Variants in GIGYF1 observed in about 807,000 individuals in gnomAD.
GIGYF1 encodes GRB10-interacting GYF protein 1.
Under a neutral mutation model 147.1 loss-of-function variants are expected in GIGYF1, and 84 were observed. The observed-to-expected ratio is 0.57, with a 90% CI of 0.48 to 0.68. GIGYF1 has a LOEUF of 0.68. GIGYF1 is among the 30% of genes least tolerant of loss of function. The probability of loss-of-function intolerance (pLI) is 0.00; values close to 1 mark genes in which losing one functional copy is unlikely to be tolerated. For missense variants in GIGYF1, 1,485 were observed against 1,393.7 expected, an observed-to-expected ratio of 1.07 and a Z score of -1.04; for synonymous variants, 752 against 589.5, an observed-to-expected ratio of 1.28 and a Z score of -3.99.
intron 1 of GIGYF1, among the ~76,000 whole-genome samples, chr7:100,692,208 C>T (rs565996655): frequency 2.0e-4 from 30 of 152,338 alleles, no homozygotes; most frequent in African/African-American, 6.7e-4. Context: ...AGATGCAAAC[C>T]CGCATTCTTC....
chr7:100,691,051 C>G (rs889332270), intron 1 of GIGYF1, among the ~76,000 whole-genome samples: 8 of 152,134 alleles, frequency 5.3e-5, no homozygotes, highest in Non-Finnish European at 1.2e-4. Context: ...TCTCTAGGCA[C>G]CCCCACAGCA....
In GIGYF1 at chr7:100,686,096, T is replaced by C. The variant is rs1240574314; in HGVS notation, c.949-17A>G. On this transcript the variant is annotated splice_polypyrimidine_tract_variant and intron_variant, in intron 11 of 26. Transcript: ENST00000678049. ...GGGGCCCTTCTGCATGGGGCCGGGGTGGGGAGCAGAGAACAGCTGGGGTGG... is the reference window on the plus strand; with the variant it reads ...GGGGCCCTTCTGCATGGGGCCGGGGCGGGGAGCAGAGAACAGCTGGGGTGG... 7.2e-7 allele frequency: 1 copy of C among 1,391,206 alleles called. No homozygotes were observed. The highest frequency in any genetic ancestry group is 1.0e-6 in the Non-Finnish European group (1 of 1,000,464). The allele number at this position is 1,391,206 out of a possible 1,614,324, so 86.2% of individuals were successfully genotyped here.
intron 19 of GIGYF1, 62 bp downstream of exon 19, chr7:100,683,756 G>C (rs1164453955): frequency 6.4e-7 from 1 of 1,555,036 alleles, no homozygotes; most frequent in East Asian, 2.3e-5. Flanking sequence ...GTGGGGAGCA[G>C]ACCCCAGACC....
rs1371079538 is a variant in GIGYF1 at position 100,688,336 on chromosome 7, A to G, written c.-69-29T>C. 1.0e-5 allele frequency: 11 copies of G among 1,067,332 alleles called. No individual in the cohort carries two copies. In the Admixed American group the frequency reaches 2.0e-4, roughly 20 times the overall value. The allele number at this position is 1,067,332 out of a possible 1,614,324, so 66.1% of individuals were successfully genotyped here. On this transcript the variant is annotated intron_variant, in intron 3 of 26. Coordinates refer to ENST00000678049, the MANE Select transcript of GIGYF1 (RefSeq NM_001375765.1). ...TGGGGGAACAGGGGCCATGAAGAAC[A>G]GCACACGAAGGAGAACTTTAAAGCG... is the stretch of plus-strand genomic sequence containing the variant.
rs754405271 is a variant in GIGYF1 at position 100,685,498 on chromosome 7, G to A, written c.1055-17C>T. On this transcript the variant is annotated splice_polypyrimidine_tract_variant and intron_variant, in intron 12 of 26. Coordinates refer to ENST00000678049, the MANE Select transcript of GIGYF1 (RefSeq NM_001375765.1). Reference sequence around the variant, plus strand: ...CTTTCCCACCTAGAAGAGGGAGATGGCCAGAGTTCAGAACCAAGGGCTGGG... The same window carrying A: ...CTTTCCCACCTAGAAGAGGGAGATGACCAGAGTTCAGAACCAAGGGCTGGG... The A allele has an allele frequency of 1.3e-6, 2 of 1,596,392 alleles. No individual in the cohort carries two copies. Among genetic ancestry groups the A allele is most frequent in the South Asian group, 2.3e-5 (2 of 88,464 alleles).
In GIGYF1 at chr7:100,686,663, C is replaced by T. The variant is rs776098343; in HGVS notation, c.680G>A (p.Arg227His). The T allele has an allele frequency of 1.6e-5, 26 of 1,611,526 alleles. No homozygotes were observed. Among genetic ancestry groups the T allele is most frequent in the South Asian group, 4.4e-5 (4 of 90,936 alleles). The change falls in exon 10 of 27, where the codon CGC becomes CAC. Residue 227 changes from arginine (R) to histidine (H), a missense_variant. Transcript: ENST00000678049. Reference protein sequence around the residue: ...AGPRRDGDRWRSASPDGGPRS... With the variant: ...AGPRRDGDRWHSASPDGGPRS... ...CCCAATCTCACCAGGGCTGGCGGAGCGCCAGCGGTCGCCGTCTCGCCGGGG... is the reference window on the plus strand; with the variant it reads ...CCCAATCTCACCAGGGCTGGCGGAGTGCCAGCGGTCGCCGTCTCGCCGGGG...
At position 100,681,885 on chromosome 7, in the gene GIGYF1, G is replaced by A. The variant is rs923435909; in HGVS notation, c.3034C>T (p.His1012Tyr). ...TCACCCAGGATGCTGGGGTCTGAGTGCAGCATCAGTGCCCGCCTCTTGGCC... is the reference window on the plus strand; with the variant it reads ...TCACCCAGGATGCTGGGGTCTGAGTACAGCATCAGTGCCCGCCTCTTGGCC... The part of the protein sequence containing the change: ...SKAKRRALML[H>Y]SDPSILGYSL... Residue 1012 changes from histidine (H) to tyrosine (Y), a missense_variant, in exon 26 of 27, where the codon CAC becomes TAC. Transcript: ENST00000678049. 7 of 1,612,374 alleles carry A rather than the reference G, an allele frequency of 4.3e-6. No homozygotes were observed. Among genetic ancestry groups the A allele is most frequent in the Non-Finnish European group, 5.9e-6 (7 of 1,179,966 alleles).
At position 100,682,093 on chromosome 7, in the gene GIGYF1, G is replaced by T. The variant is rs772805695; in HGVS notation, c.2904C>A (p.Ser968Arg). The stretch of plus-strand genomic sequence containing the variant: ...TCACCTGCTGCTGCTGCCGCTGCTG[G>T]CTGGCTTTCTGCTTGGCCCTCCGCT... ...FLERRAKQKA[S>R]QQRQQQQEAW... Residue 968 changes from serine (S) to arginine (R), a missense_variant, in exon 25 of 27, where the codon AGC (serine) becomes AGA (arginine). Coordinates refer to ENST00000678049, the MANE Select transcript of GIGYF1 (RefSeq NM_001375765.1). The T allele has an allele frequency of 6.2e-7, 1 of 1,613,382 alleles. No individual in the cohort carries two copies. Among genetic ancestry groups the T allele is most frequent in the East Asian group, 2.2e-5 (1 of 44,868 alleles).
rs1805621861 is a variant in GIGYF1, at chr7:100,688,963, CA to C, written c.-507del. On this transcript the variant is annotated 5_prime_UTR_variant, in exon 2 of 27. Coordinates refer to ENST00000678049, the MANE Select transcript of GIGYF1 (RefSeq NM_001375765.1). Reference sequence around the variant, plus strand: ...AAAAACAAGCAAGCAAACAAAAACCCACTAGAGCCACAAATAGCTTACAGAG... The same window carrying C: ...AAAAACAAGCAAGCAAACAAAAACCCCTAGAGCCACAAATAGCTTACAGAG... 1 of 154,048 alleles carries C rather than the reference CA, an allele frequency of 6.5e-6. No individual in the cohort carries two copies. The highest frequency in any genetic ancestry group is 6.5e-5 in the Admixed American group (1 of 15,424). The allele number at this position is 154,048 out of a possible 1,614,324, so 9.5% of individuals were successfully genotyped here. A position where few individuals can be genotyped will look rare whatever the true frequency, so the allele number is the denominator to read the frequency against.
Position 100,685,196 on chromosome 7 carries a change from A to G in GIGYF1, c.1193-50T>C, listed in dbSNP as rs1241180286. On this transcript the variant is annotated intron_variant, in intron 13 of 26. Coordinates refer to ENST00000678049, the MANE Select transcript of GIGYF1 (RefSeq NM_001375765.1). ...GAAAGAAGGGCGGGGAGGAGACAAGATAGCTTTCGCCTACTCTCACTCCAG... is the reference window on the plus strand; with the variant it reads ...GAAAGAAGGGCGGGGAGGAGACAAGGTAGCTTTCGCCTACTCTCACTCCAG... 2.6e-6 allele frequency: 4 copies of G among 1,525,440 alleles called. No homozygotes were observed. In the Admixed American group the frequency reaches 7.4e-5, roughly 28 times the overall value. 94.5% of individuals were successfully genotyped at this position (1,525,440 alleles called of 1,614,324 possible). A position where few individuals can be genotyped will look rare whatever the true frequency, so the allele number is the denominator to read the frequency against.
Position 100,682,219 on chromosome 7 carries a change from C to A in GIGYF1, c.2778G>T (p.Ala926=), listed in dbSNP as rs763884661. The A allele has an allele frequency of 4.3e-6, 7 of 1,612,430 alleles. No individual in the cohort carries two copies. The South Asian group carries it at 5.5e-5, about 13-fold the overall frequency. ...AGGGGGATTCCACCTCCTTGAGGAT[C>A]GCTACAGCCATGGGCACTGCAGGAT... The part of the protein sequence containing the change: ...TGSLDVPMAV[A]ILKEVESPYD... Residue 926 remains alanine (A), a synonymous_variant, in exon 25 of 27, where the codon GCG becomes GCT. Coordinates refer to ENST00000678049, the MANE Select transcript of GIGYF1 (RefSeq NM_001375765.1).
intron 22 of GIGYF1, 37 bp from the exon 23 acceptor site, chr7:100,682,814 G>A (rs748362930): frequency 4.6e-6 from 7 of 1,507,952 alleles, no homozygotes; most frequent in South Asian, 1.3e-5. Context: ...CTCAAACAAA[G>A]GCACCCCAGA....
chr7:100,681,973 G>A lies in GIGYF1; in HGVS notation c.2946C>T (p.Ala982=). The A allele has an allele frequency of 6.2e-7, 1 of 1,609,006 alleles. No individual in the cohort carries two copies. ...QQQQEAWLSS[A]SLQTAFQANH... ...TGGCCTGGAAGGCCGTCTGCAGCGA[G>A]GCGCTGCTCAGCCATGCCTCCTAAG... The change falls in exon 26 of 27, where the codon GCC becomes GCT. Residue 982 remains alanine (A), a synonymous_variant. Transcript: ENST00000678049.
rs1330394747 is a variant in GIGYF1 at position 100,688,488 on chromosome 7, C to A, written c.-107G>T. ...CGTGGCCACTCACACCATGAGTTAC[C>A]CAGAGATGAGTCCAGACGGTGAAAG... On this transcript the variant is annotated 5_prime_UTR_variant, in exon 3 of 27. Coordinates refer to ENST00000678049, the MANE Select transcript of GIGYF1 (RefSeq NM_001375765.1). The A allele has an allele frequency of 4.3e-6, 3 of 689,672 alleles. No homozygotes were observed. The highest frequency in any genetic ancestry group is 3.5e-5 in the African/African-American group (2 of 57,036). The allele number at this position is 689,672 out of a possible 1,614,324, so 42.7% of individuals were successfully genotyped here.
At chr7:100,691,068 G>A (rs780419664) in intron 1 of GIGYF1, among the ~76,000 whole-genome samples, 2 of 152,204 alleles carry the variant, frequency 1.3e-5, no homozygotes, top group Admixed American at 6.5e-5. Flanking sequence ...AGCAGGGTCT[G>A]GTGCCGGAAG....
In GIGYF1 at chr7:100,687,865, C is replaced by T. The variant is rs570657978; in HGVS notation, c.184G>A (p.Asp62Asn). The T allele has an allele frequency of 5.0e-6, 8 of 1,613,440 alleles. No individual in the cohort carries two copies. The Admixed American group carries it at 6.7e-5, about 13-fold the overall frequency. ...TGCAGCACCGCGGCGAACTCCTTGT[C>T]CTGCAGCTCTTCCGGGACCTGGCAG... ...KENKVPEELQ[D>N]KEFAAVLQDE... The change falls in exon 6 of 27, where the codon GAC becomes AAC. Residue 62 changes from aspartate (D) to asparagine (N), a missense_variant. By Grantham distance (23) the Asp-to-Asn change is conservative (BLOSUM62 1). Coordinates refer to ENST00000678049, the MANE Select transcript of GIGYF1 (RefSeq NM_001375765.1).
intron 20 of GIGYF1, 28 bp downstream of exon 20, chr7:100,683,522 G>A (rs375677137): frequency 2.5e-6 from 4 of 1,613,716 alleles, no homozygotes; most frequent in Non-Finnish European, 2.5e-6. Flanking sequence ...TTCATTCCCA[G>A]GGCCTCAGCC....
rs774843095 is a variant in GIGYF1, at chr7:100,686,669, C to G, written c.674G>C (p.Arg225Pro). 1 of 1,612,132 alleles carries G rather than the reference C, an allele frequency of 6.2e-7. No individual in the cohort carries two copies. ...LGAGPRRDGDRWRSASPDGGP... is the reference protein window; with the variant it reads ...LGAGPRRDGDPWRSASPDGGP... ...CTCACCAGGGCTGGCGGAGCGCCAG[C>G]GGTCGCCGTCTCGCCGGGGCCCTGC... is the stretch of plus-strand genomic sequence containing the variant. The change falls in exon 10 of 27, where the codon CGC (arginine) becomes CCC (proline). Residue 225 changes from arginine (R) to proline (P), a missense_variant. Coordinates refer to ENST00000678049, the MANE Select transcript of GIGYF1 (RefSeq NM_001375765.1).
Position 100,684,094 on chromosome 7 carries a change from T to C in GIGYF1, c.1794A>G (p.Pro598=), listed in dbSNP as rs758328622. The C allele has an allele frequency of 7.0e-5, 112 of 1,602,562 alleles. No individual in the cohort carries two copies. The highest frequency in any genetic ancestry group is 9.9e-5 in the South Asian group (9 of 90,768). The change falls in exon 18 of 27, where the codon CCA becomes CCG. Residue 598 remains proline (P), a synonymous_variant. Coordinates refer to ENST00000678049, the MANE Select transcript of GIGYF1 (RefSeq NM_001375765.1). ...KAALGDLTPP[P]PPPPQQQQQQ... is the part of the protein sequence containing the mutation. Reference sequence around the variant, plus strand: ...GCTGCTGCTGCTGTGGCGGCGGCGGTGGTGGCGGTGTCAGGTCCCCCAGAG... The same window carrying C: ...GCTGCTGCTGCTGTGGCGGCGGCGGCGGTGGCGGTGTCAGGTCCCCCAGAG...
Sources: gnomAD v4.1 joint callset for allele counts (sites outside exome capture counted in the v4.1 genomes callset) on GRCh38, gnomAD v4.1.1 for gene constraint, MANE v1.5 for transcripts, NCBI Gene and HGNC (gene_info 2026-07-23, HGNC 2026-07-21) for gene names.